USP35: variants seen among roughly 807,000 people sequenced by gnomAD.
The protein encoded by USP35 is ubiquitin carboxyl-terminal hydrolase 35.
In USP35, 69 loss-of-function variants were observed where a neutral mutation model predicts 83.8. The observed-to-expected ratio is 0.82, with a 90% CI of 0.68 to 1.01. The LOEUF (loss-of-function observed/expected upper bound fraction) is 1.01. Among genes scored for constraint, USP35 ranks in the 50% least tolerant of loss-of-function variants. The pLI is 0.00. For synonymous variants in USP35, 714 were observed against 589.5 expected (o/e 1.21, Z -3.06); for missense variants, 1,503 against 1,362.5 (o/e 1.10, Z -1.62).
Position 78,200,083 on chromosome 11 carries a change from G to C in USP35, c.937-50G>C, listed in dbSNP as rs867403. 8.1e-5 allele frequency: 128 copies of C among 1,589,462 alleles called. No individual in the cohort carries two copies. The African/African-American group carries it at 1.6e-3, about 20-fold the overall frequency. On this transcript the variant is annotated intron_variant, in intron 4 of 10. Coordinates refer to ENST00000529308, the MANE Select transcript of USP35 (RefSeq NM_020798.4). ...CCCTCTCAGGCTTGTGATTCTACTT[G>C]GCCTCAGCAGCTCAAGCCTGGGGAC...
chr11:78,225,086 C>T, the USP35 span: 8 of 1,540,154 alleles, frequency 5.2e-6, no homozygotes, highest in African/African-American at 4.1e-5. Flanking sequence ...GCCTGAGGAC[C>T]CTTGGGTTAA....
At position 78,208,888 on chromosome 11, in the gene USP35, C is replaced by T; in HGVS notation, c.1517C>T (p.Ser506Phe). The change falls in exon 9 of 11, where the codon TCC becomes TTC. Residue 506 changes from serine (S) to phenylalanine (F), a missense_variant. Transcript: ENST00000529308. ...RPAISPENFL[S>F]ASWTPWFSPG... ...GCCATTTCCCCAGAGAACTTCCTCTCCGCATCCTGGACGCCCTGGTTCAGC... is the reference window on the plus strand; with the variant it reads ...GCCATTTCCCCAGAGAACTTCCTCTTCGCATCCTGGACGCCCTGGTTCAGC... 1 of 1,614,242 alleles carries T rather than the reference C, an allele frequency of 6.2e-7. No homozygotes were observed. Among genetic ancestry groups the T allele is most frequent in the Non-Finnish European group, 8.5e-7 (1 of 1,180,038 alleles).
chr11:78,225,697 T>C, the USP35 span, among the ~76,000 whole-genome samples: 8 of 152,228 alleles, frequency 5.3e-5, no homozygotes, highest in African/African-American at 1.9e-4. Context: ...AACTAGGAGC[T>C]GGGACTCTAG....
At chr11:78,223,803 A>G in the USP35 span, 3 of 795,372 alleles carry the variant, frequency 3.8e-6, no homozygotes, top group Middle Eastern at 6.1e-4. Context: ...GCTGTAAGGG[A>G]GACCTTGGGG....
rs544427783 is a variant in USP35 at position 78,215,214 on chromosome 11, A to C, written c.*1401A>C. ...AAAAATACCCAATTATTTCCAAATA[A>C]AGCAAAAATTGGAACAGACTGGAGT... On this transcript the variant is annotated 3_prime_UTR_variant, in exon 11 of 11. Transcript: ENST00000529308. 4 of 152,696 alleles carry C rather than the reference A, an allele frequency of 2.6e-5. No homozygotes were observed. The highest frequency in any genetic ancestry group is 4.1e-4 in the South Asian group (2 of 4,832). 9.5% of individuals were successfully genotyped at this position (152,696 alleles called of 1,614,324 possible).
chr11:78,203,710 C>G (rs1863433677), intron 6 of USP35, among the ~76,000 whole-genome samples: 2 of 150,724 alleles, frequency 1.3e-5, no homozygotes, highest in African/African-American at 2.4e-5. Context: ...TCCTGAGTAG[C>G]TGGGACTACA....
downstream of USP35, among the ~76,000 whole-genome samples, chr11:78,220,116 G>A (rs972192999): frequency 6.6e-6 from 1 of 152,158 alleles, no homozygotes; most frequent in African/African-American, 2.4e-5. Context: ...TCTGACTGAG[G>A]GTACTGTGCT....
the USP35 span, among the ~76,000 whole-genome samples, chr11:78,233,386 C>T: frequency 4.7e-4 from 72 of 151,820 alleles, no homozygotes; most frequent in Non-Finnish European, 3.0e-5. Flanking sequence ...CAGAATCTCA[C>T]TGAGATTTTA....
At chr11:78,222,221 A>C in the USP35 span, 1 of 1,473,676 alleles carries the variant, frequency 6.8e-7, no homozygotes, top group Admixed American at 1.7e-5. Context: ...AAAGTCTGGT[A>C]ATCAGCCAGT....
At chr11:78,219,964 A>G (rs1204839464), downstream of USP35, among the ~76,000 whole-genome samples, 1 of 151,992 alleles carries the variant, frequency 6.6e-6, no homozygotes, top group African/African-American at 2.4e-5. Context: ...CTCTGGACCC[A>G]CTCGAGAGCC....
intron 2 of USP35, among the ~76,000 whole-genome samples, chr11:78,197,452 C>T (rs1432457760): frequency 6.6e-6 from 1 of 152,126 alleles, no homozygotes; most frequent in Admixed American, 6.5e-5. Flanking sequence ...ACTTAGACTA[C>T]AGTGCAAGTG....
At chr11:78,222,002 A>G in the USP35 span, 1 of 803,742 alleles carries the variant, frequency 1.2e-6, no homozygotes, top group African/African-American at 1.7e-5. Flanking sequence ...TGATAGCGTT[A>G]GCATCAGAAT....
chr11:78,230,187 T>G, the USP35 span, among the ~76,000 whole-genome samples: 1 of 152,242 alleles, frequency 6.6e-6, no homozygotes, highest in Non-Finnish European at 1.5e-5. Flanking sequence ...TGCTATCCCT[T>G]TTCCTGGGCT....
Position 78,207,563 on chromosome 11 carries a change from C to A in USP35, c.1425C>A (p.Asn475Lys), listed in dbSNP as rs1439176664. The A allele has an allele frequency of 1.2e-6, 2 of 1,614,072 alleles. No individual in the cohort carries two copies. Among genetic ancestry groups the A allele is most frequent in the Admixed American group, 1.7e-5 (1 of 60,008 alleles). The change falls in exon 8 of 11, where the codon AAC becomes AAA. Residue 475 changes from asparagine to lysine, a missense_variant. By Grantham distance (94) the Asn-to-Lys change is moderately conservative (BLOSUM62 0). Transcript: ENST00000529308. Reference sequence around the variant, plus strand: ...ATTGTGTGCTCCGCTTGACTGAGAACAACTCACAGCCCCTGATGACCAAGC... The same window carrying A: ...ATTGTGTGCTCCGCTTGACTGAGAAAAACTCACAGCCCCTGATGACCAAGC... The part of the protein sequence containing the change: ...FRHCVLRLTE[N>K]NSQPLMTKLQ...
At chr11:78,195,095 C>G (rs1863104507) in intron 1 of USP35, among the ~76,000 whole-genome samples, 1 of 152,038 alleles carries the variant, frequency 6.6e-6, no homozygotes, top group Admixed American at 6.6e-5. Flanking sequence ...GCAGGCAGAG[C>G]CCTAGGTGTG....
the USP35 span, among the ~76,000 whole-genome samples, chr11:78,226,230 A>G: frequency 6.6e-6 from 1 of 152,240 alleles, no homozygotes. Context: ...CTCCATTAGT[A>G]GAACATTAAC....
rs758167223 is a variant in USP35, at chr11:78,196,895, T to A, written c.650T>A (p.Leu217Gln). The A allele has an allele frequency of 6.8e-7, 1 of 1,471,422 alleles. No homozygotes were observed. The highest frequency in any genetic ancestry group is 1.4e-5 in the African/African-American group (1 of 69,258). 91.1% of individuals were successfully genotyped at this position (1,471,422 alleles called of 1,614,324 possible). The part of the protein sequence containing the change: ...PAAILPCLKE[L>Q]FAVISCAEEE... ...GCCATCCTGCCCTGCCTCAAAGAGC[T>A]GTTCGCAGTCATCTCCTGCGCAGGT... The change falls in exon 2 of 11, where the codon CTG becomes CAG. Residue 217 changes from leucine to glutamine, a missense_variant. Physicochemically the swap from Leu to Gln is moderately radical, Grantham distance 113 (BLOSUM62 -2). Transcript: ENST00000529308. This position sits in a 1 kb window ranked among gnomAD's most constrained non-coding sequence, Gnocchi z 4.8.
Position 78,200,671 on chromosome 11 carries a change from A to C in USP35, c.1060A>C (p.Met354Leu), listed in dbSNP as rs373863039. The C allele has an allele frequency of 2.4e-5, 38 of 1,612,200 alleles. No individual in the cohort carries two copies. Among genetic ancestry groups the C allele is most frequent in the African/African-American group, 4.0e-5 (3 of 74,806 alleles). The change falls in exon 6 of 11, where the codon ATG becomes CTG. Residue 354 changes from methionine to leucine, a missense_variant. Coordinates refer to ENST00000529308, the MANE Select transcript of USP35 (RefSeq NM_020798.4). ...ACAGCTCCTCCCTCACATCCCCCCCATGGTGGCCTCTCTGGTCAAGGAGGA... is the reference window on the plus strand; with the variant it reads ...ACAGCTCCTCCCTCACATCCCCCCCCTGGTGGCCTCTCTGGTCAAGGAGGA... ...FHLLLPHIPP[M>L]VASLVKEDSN...
the USP35 span, chr11:78,226,560 T>A: frequency 6.8e-7 from 1 of 1,465,362 alleles, no homozygotes. Flanking sequence ...TGGCGGTCTC[T>A]GCTGAGGACT....
Sources: gnomAD v4.1 joint callset for allele counts (sites outside exome capture counted in the v4.1 genomes callset) on GRCh38, gnomAD v4.1.1 for gene constraint, Gnocchi (gnomAD v3.1) non-coding constraint, MANE v1.5 for transcripts, NCBI Gene and HGNC (gene_info 2026-07-23, HGNC 2026-07-21) for gene names.